Variants in SLC24A4 observed in about 807,000 individuals in gnomAD.
SLC24A4 encodes the protein sodium/potassium/calcium exchanger 4.
In SLC24A4, 53 loss-of-function variants were observed where a neutral mutation model predicts 79.0. That is an observed-to-expected ratio of 0.67 (90% confidence interval 0.54 to 0.84). SLC24A4 has a LOEUF of 0.84. Ranked by LOEUF, SLC24A4 falls within the 40% of genes least tolerant of loss-of-function variation. The pLI is 0.00. For synonymous variants in SLC24A4, 323 were observed against 323.8 expected, an observed-to-expected ratio of 1.00 and a Z score of 0.03; for missense variants, 731 against 822.0, an observed-to-expected ratio of 0.89 and a Z score of 1.35.
chr14:92,375,828 G>T (rs1888468718), intron 2 of SLC24A4, among the ~76,000 whole-genome samples: 1 of 152,172 alleles, frequency 6.6e-6, no homozygotes, highest in Non-Finnish European at 1.5e-5. Flanking sequence ...TATAGTTGGG[G>T]AGTAACTGGT....
chr14:92,362,485 G>C (rs1337303321), intron 2 of SLC24A4, among the ~76,000 whole-genome samples: 2 of 152,176 alleles, frequency 1.3e-5, no homozygotes, highest in African/African-American at 4.8e-5. Flanking sequence ...GGCAGGTGTG[G>C]GTTGAACTGA....
chr14:92,423,493 C>A (rs757584459), intron 2 of SLC24A4, among the ~76,000 whole-genome samples: 1 of 152,122 alleles, frequency 6.6e-6, no homozygotes, highest in Non-Finnish European at 1.5e-5. Flanking sequence ...TATGCCTTGT[C>A]TAGTAGAGGT....
At chr14:92,443,524 G>T in intron 7 of SLC24A4, 50 bp downstream of exon 7, 1 of 1,578,148 alleles carries the variant, frequency 6.3e-7, no homozygotes, top group East Asian at 2.2e-5. Context: ...ACCCTGCGAA[G>T]GCACAGGACC....
intron 2 of SLC24A4, among the ~76,000 whole-genome samples, chr14:92,396,195 G>T (rs1422984607): frequency 6.6e-6 from 1 of 152,210 alleles, no homozygotes; most frequent in Non-Finnish European, 1.5e-5. Context: ...TAGCTGCATT[G>T]CCAGTCTAGT....
chr14:92,438,410 C>A (rs1892296507), intron 3 of SLC24A4, among the ~76,000 whole-genome samples: 1 of 151,960 alleles, frequency 6.6e-6, no homozygotes, highest in Admixed American at 6.6e-5. Context: ...TCAAAACCAG[C>A]CTGGAAAACA....
chr14:92,420,040 T>C (rs1231300810), intron 2 of SLC24A4, among the ~76,000 whole-genome samples: 2 of 152,160 alleles, frequency 1.3e-5, no homozygotes, highest in East Asian at 3.8e-4. Flanking sequence ...TGGGGTGATC[T>C]GGGCCCACAA....
At chr14:92,358,928 C>A (rs1187474682) in intron 2 of SLC24A4, among the ~76,000 whole-genome samples, 1 of 151,930 alleles carries the variant, frequency 6.6e-6, no homozygotes, top group Admixed American at 6.6e-5. Flanking sequence ...TCAAGTGATC[C>A]ACTCACCTCG....
intron 2 of SLC24A4, among the ~76,000 whole-genome samples, chr14:92,399,299 C>T (rs1889957870): frequency 6.6e-6 from 1 of 152,122 alleles, no homozygotes; most frequent in African/African-American, 2.4e-5. Context: ...TTGGCACCTA[C>T]TACGTAGGGA....
chr14:92,492,925 GTAAGA>G (rs1457834824), intron 16 of SLC24A4: 16 of 450,508 alleles, frequency 3.6e-5, no homozygotes, highest in Non-Finnish European at 6.2e-5. Context: ...AGGGAGGAAT[GTAAGA>G]TAATTCCGTG....
chr14:92,440,755 G>A (rs1892446090), intron 4 of SLC24A4, among the ~76,000 whole-genome samples: 1 of 151,928 alleles, frequency 6.6e-6, no homozygotes, highest in Admixed American at 6.6e-5. Flanking sequence ...AAAGGGAGAG[G>A]GGGAGCATCT....
chr14:92,416,549 G>A (rs1890994435), intron 2 of SLC24A4, among the ~76,000 whole-genome samples: 1 of 152,290 alleles, frequency 6.6e-6, no homozygotes, highest in East Asian at 1.9e-4. Flanking sequence ...TGTTTTTGAA[G>A]AGAGGTGATG....
At chr14:92,449,488 C>T (rs1243843422) in intron 10 of SLC24A4, among the ~76,000 whole-genome samples, 4 of 152,116 alleles carry the variant, frequency 2.6e-5, no homozygotes, top group East Asian at 1.9e-4. Flanking sequence ...CGTTTCTGGG[C>T]GCTTTCCCAT....
chr14:92,351,982 G>T (rs1414218021), intron 2 of SLC24A4, among the ~76,000 whole-genome samples: 1 of 150,544 alleles, frequency 6.6e-6, no homozygotes, highest in Admixed American at 6.6e-5. Context: ...AGAAAGGTAG[G>T]TGAAGGCTTA....
rs779656207 is a variant in SLC24A4, at chr14:92,325,923, A to T, written c.186A>T (p.Arg62Ser). 3.1e-6 allele frequency: 5 copies of T among 1,613,214 alleles called. No individual in the cohort carries two copies. Among genetic ancestry groups the T allele is most frequent in the Admixed American group, 3.3e-5 (2 of 59,888 alleles). The change falls in exon 2 of 17, where the codon AGA (arginine) becomes AGT (serine). Residue 62 changes from arginine (R) to serine (S), a missense_variant. Coordinates refer to ENST00000532405, the MANE Select transcript of SLC24A4 (RefSeq NM_153646.4). ...KRVLPDTWRN[R>S]KLMAPVNGTQ... is the part of the protein sequence containing the mutation. ...TCCTGCCAGACACGTGGAGAAATAG[A>T]AAGTTGATGGCCCCAGTGAATGGGA...
At chr14:92,470,617 C>T (rs1424561111) in intron 12 of SLC24A4, among the ~76,000 whole-genome samples, 1 of 152,056 alleles carries the variant, frequency 6.6e-6, no homozygotes, top group African/African-American at 2.4e-5. Flanking sequence ...GCCCTCCGTT[C>T]TCTTGTTGAT....
At chr14:92,423,945 A>C (rs544129494) in intron 2 of SLC24A4, among the ~76,000 whole-genome samples, 6 of 152,350 alleles carry the variant, frequency 3.9e-5, no homozygotes, top group African/African-American at 1.4e-4. Flanking sequence ...AAAGTCTGAT[A>C]TCAAGGTATC....
intron 2 of SLC24A4, among the ~76,000 whole-genome samples, chr14:92,362,294 C>T (rs1887577896): frequency 6.6e-6 from 1 of 152,054 alleles, no homozygotes; most frequent in South Asian, 2.1e-4. Flanking sequence ...TTCCAAGATG[C>T]CTGAATGGAG....
chr14:92,485,262 A>C (rs907787584), intron 13 of SLC24A4, among the ~76,000 whole-genome samples: 1 of 152,124 alleles, frequency 6.6e-6, no homozygotes, highest in African/African-American at 2.4e-5. Flanking sequence ...CCAGGAGTTC[A>C]AGACCAGCCT....
At chr14:92,364,395 G>C (rs1043513310) in intron 2 of SLC24A4, among the ~76,000 whole-genome samples, 1 of 152,202 alleles carries the variant, frequency 6.6e-6, no homozygotes, top group Non-Finnish European at 1.5e-5. Flanking sequence ...AAGCCACAGA[G>C]GGAAGGGAGG....
Sources: gnomAD v4.1 joint callset for allele counts (sites outside exome capture counted in the v4.1 genomes callset) on GRCh38, gnomAD v4.1.1 for gene constraint, MANE v1.5 for transcripts, NCBI Gene and HGNC (gene_info 2026-07-23, HGNC 2026-07-21) for gene names.